Variants in RGS6 observed in about 807,000 individuals in gnomAD.
The protein encoded by RGS6 is regulator of G protein signaling 6.
A neutral mutation model predicts 78.5 loss-of-function variants in RGS6; 30 were observed. The ratio of observed to expected loss-of-function variants is 0.38; its 90% confidence interval spans 0.29 to 0.52. RGS6 has a LOEUF of 0.52. RGS6 is among the 20% of genes least tolerant of loss of function. The pLI is 0.85. For missense variants in RGS6, 495 were observed against 609.7 expected (o/e 0.81, Z 1.98); for synonymous variants, 206 against 206.0 (o/e 1.00, Z 0.00).
At chr14:72,013,037 G>A (rs924865560) in intron 2 of RGS6, among the ~76,000 whole-genome samples, 2 of 152,206 alleles carry the variant, frequency 1.3e-5, no homozygotes, top group African/African-American at 2.4e-5. Context: ...TTGGGAGGCT[G>A]ACGTGGGCGG....
At chr14:72,523,879 C>T (rs553765678) in intron 15 of RGS6, among the ~76,000 whole-genome samples, 2 of 152,156 alleles carry the variant, frequency 1.3e-5, no homozygotes, top group Non-Finnish European at 2.9e-5. Flanking sequence ...ATTTAATTCT[C>T]TGTTCCCAAC....
chr14:72,535,397 TTTTTA>T (rs763839120), intron 15 of RGS6, among the ~76,000 whole-genome samples: 2 of 152,228 alleles, frequency 1.3e-5, no homozygotes, highest in African/African-American at 4.8e-5. Context: ...TAAATTAAAC[TTTTTA>T]TTTTGAGATA....
chr14:72,533,619 T>C (rs565512072), intron 15 of RGS6, among the ~76,000 whole-genome samples: 41 of 152,364 alleles, frequency 2.7e-4, no homozygotes, highest in African/African-American at 9.4e-4. Flanking sequence ...AGAACATTTG[T>C]GTTTCGTGGA....
At chr14:72,287,281 C>G in intron 2 of RGS6, among the ~76,000 whole-genome samples, 1 of 152,102 alleles carries the variant, frequency 6.6e-6, no homozygotes, top group East Asian at 1.9e-4. Context: ...TTACTTCTTT[C>G]TTTCCTGTTT....
chr14:72,626,195 T>C, the RGS6 span, among the ~76,000 whole-genome samples: 5 of 152,190 alleles, frequency 3.3e-5, no homozygotes, highest in Non-Finnish European at 2.9e-5. Context: ...TAAAACCTTA[T>C]GATGGTTGTA....
rs2095854650 is a variant in RGS6 at position 72,464,517 on chromosome 14, AGTTG to A, written c.395-1236_395-1233del. ...TAAATTTTTCAGAACAAATGAAGGAAGTTGGTTGATCCAGCAAAGAGTTGACTAG... is the reference window on the plus strand; with the variant it reads ...TAAATTTTTCAGAACAAATGAAGGAAGTTGATCCAGCAAAGAGTTGACTAG... On this transcript the variant is annotated intron_variant, in intron 6 of 17. Coordinates refer to ENST00000553525, the MANE Select transcript of RGS6 (RefSeq NM_001204424.2). Among the ~76,000 whole-genome samples the A allele has an allele frequency of 2.0e-5, 3 of 152,324 alleles. No individual in the cohort carries two copies. The South Asian group carries it at 6.2e-4, about 32-fold the overall frequency.
At position 72,130,928 on chromosome 14, in the gene RGS6, T is replaced by C. The variant is rs569390606; in HGVS notation, c.84+166053T>C. Reference sequence around the variant, plus strand: ...AGAGCCTCCTGGAATAGTCTTAGAGTTGGACACTGTTTCCCCTTGTGACTC... The same window carrying C: ...AGAGCCTCCTGGAATAGTCTTAGAGCTGGACACTGTTTCCCCTTGTGACTC... On this transcript the variant is annotated intron_variant, in intron 2 of 17. Transcript: ENST00000553525. 4.6e-5 allele frequency among the ~76,000 whole-genome samples: 7 copies of C among 152,256 alleles called. No individual in the cohort carries two copies. In the South Asian group the frequency reaches 1.2e-3, roughly 27 times the overall value.
intron 2 of RGS6, among the ~76,000 whole-genome samples, chr14:72,323,184 A>G (rs1237212707): frequency 6.6e-6 from 1 of 152,180 alleles, no homozygotes; most frequent in Non-Finnish European, 1.5e-5. Flanking sequence ...AAGGAAATAC[A>G]CTTAGGTGAT....
intron 2 of RGS6, among the ~76,000 whole-genome samples, chr14:72,044,159 T>A (rs772795673): frequency 6.6e-6 from 1 of 152,226 alleles, no homozygotes; most frequent in Non-Finnish European, 1.5e-5. Flanking sequence ...AGATTCTCTC[T>A]TACAGTTTCC....
At chr14:72,403,115 G>C (rs2092615491) in intron 3 of RGS6, among the ~76,000 whole-genome samples, 1 of 152,102 alleles carries the variant, frequency 6.6e-6, no homozygotes, top group African/African-American at 2.4e-5. Flanking sequence ...TTATCCAAAG[G>C]AAAGGAAACC....
At chr14:72,606,220 G>A in the RGS6 span, among the ~76,000 whole-genome samples, 1 of 152,130 alleles carries the variant, frequency 6.6e-6, no homozygotes, top group Non-Finnish European at 1.5e-5. Flanking sequence ...CCTGACTCAG[G>A]CCAACTCTGG....
At chr14:72,573,876 C>A in the RGS6 span, among the ~76,000 whole-genome samples, 1 of 152,216 alleles carries the variant, frequency 6.6e-6, no homozygotes, top group African/African-American at 2.4e-5. Context: ...CGACTGTGAG[C>A]TGATCTATTG....
chr14:72,107,586 C>T (rs566977058), intron 2 of RGS6, among the ~76,000 whole-genome samples: 2 of 152,212 alleles, frequency 1.3e-5, no homozygotes, highest in South Asian at 4.1e-4. Context: ...TTTCAATGGG[C>T]AAAACTGGGA....
chr14:72,427,509 G>T (rs1242113517), intron 3 of RGS6, among the ~76,000 whole-genome samples: 1 of 152,168 alleles, frequency 6.6e-6, no homozygotes, highest in Non-Finnish European at 1.5e-5. Flanking sequence ...ACCAACCTCT[G>T]CCCAAATTGC....
chr14:72,186,125 C>T (rs2097242150), intron 2 of RGS6, among the ~76,000 whole-genome samples: 1 of 152,210 alleles, frequency 6.6e-6, no homozygotes, highest in South Asian at 2.1e-4. Context: ...GTGCCTTTGA[C>T]CCCAAAGCCT....
At chr14:72,239,117 C>T (rs890573246) in intron 2 of RGS6, among the ~76,000 whole-genome samples, 2 of 152,150 alleles carry the variant, frequency 1.3e-5, no homozygotes, top group Non-Finnish European at 2.9e-5. Flanking sequence ...TTGGAAGAGA[C>T]CCAAGTGAGC....
intron 17 of RGS6, among the ~76,000 whole-genome samples, chr14:72,541,991 C>T (rs970458236): frequency 2.0e-5 from 3 of 152,158 alleles, no homozygotes; most frequent in African/African-American, 7.2e-5. Flanking sequence ...CACCAAGACA[C>T]CCCTAAGTGT....
chr14:71,869,694 T>G, the RGS6 span, among the ~76,000 whole-genome samples: 1 of 152,222 alleles, frequency 6.6e-6, no homozygotes, highest in Non-Finnish European at 1.5e-5. Context: ...TAAAACTTGA[T>G]GGCATATCAA....
At chr14:72,111,563 A>G (rs568303130) in intron 2 of RGS6, among the ~76,000 whole-genome samples, 2 of 152,356 alleles carry the variant, frequency 1.3e-5, no homozygotes, top group African/African-American at 4.8e-5. Flanking sequence ...TTGAACAACA[A>G]AGCCACATAT....
Sources: gnomAD v4.1 joint callset for allele counts (sites outside exome capture counted in the v4.1 genomes callset) on GRCh38, gnomAD v4.1.1 for gene constraint, MANE v1.5 for transcripts, NCBI Gene and HGNC (gene_info 2026-07-23, HGNC 2026-07-21) for gene names.